The following DAB1 variants were observed in gnomAD, a reference collection of about 807,000 sequenced individuals.
DAB1 encodes the protein disabled homolog 1.
In DAB1, 15 loss-of-function variants were observed where a neutral mutation model predicts 64.6. That is an observed-to-expected ratio of 0.23 (90% CI 0.16 to 0.36). The LOEUF (loss-of-function observed/expected upper bound fraction) is 0.36, where lower values mean the gene tolerates loss of function less well. Among genes scored for constraint, DAB1 ranks in the 10% least tolerant of loss-of-function variants. The pLI is 1.00. For synonymous variants in DAB1, 235 were observed against 251.9 expected (o/e 0.93, Z 0.64); for missense variants, 596 against 706.7 (o/e 0.84, Z 1.78).
intron 7 of DAB1, among the ~76,000 whole-genome samples, chr1:57,457,334 T>C (rs896279614): frequency 2.6e-5 from 4 of 152,088 alleles, no homozygotes; most frequent in African/African-American, 7.2e-5. Context: ...TGGACAGAAA[T>C]TGGGTTCAAG....
At chr1:58,424,168 T>C (rs1043247269) in intron 3 of DAB1, among the ~76,000 whole-genome samples, 68 of 152,124 alleles carry the variant, frequency 4.5e-4, no homozygotes, top group Admixed American at 2.1e-3. Context: ...CCATTTTCGT[T>C]CAAGTCCAAA....
In DAB1 at chr1:57,207,446, C is replaced by CTTTT. The variant is rs772989513; in HGVS notation, c.68-62021_68-62018dup. ...CTGTAATTCATACCTTATTTCCTTT[C>CTTTT]TTTTTTTTTTTTTTTGAGATGGAGT... On this transcript the variant is annotated intron_variant, in intron 2 of 14. Coordinates refer to ENST00000371236, the MANE Select transcript of DAB1 (RefSeq NM_001365792.1). Among the ~76,000 whole-genome samples, 9 of 98,458 alleles carry CTTTT rather than the reference C, an allele frequency of 9.1e-5. 1 individual carries two copies. The highest frequency in any genetic ancestry group is 3.6e-4 in the Admixed American group (3 of 8,254). The allele number at this position is 98,458 out of a possible 152,430, so 64.6% of individuals were successfully genotyped here.
At chr1:57,322,030 G>A (rs957092580) in intron 1 of DAB1, among the ~76,000 whole-genome samples, 2 of 152,140 alleles carry the variant, frequency 1.3e-5, no homozygotes, top group East Asian at 1.9e-4. Context: ...GCCAAAATCT[G>A]CCTCCATGAA....
intron 3 of DAB1, among the ~76,000 whole-genome samples, chr1:57,142,291 G>A (rs750809334): frequency 3.3e-5 from 5 of 151,764 alleles, no homozygotes; most frequent in Non-Finnish European, 5.9e-5. Context: ...ATGGCCTAAC[G>A]TGAGTAAGTG....
chr1:57,637,126 A>G (rs1646066794), intron 7 of DAB1, among the ~76,000 whole-genome samples: 1 of 152,198 alleles, frequency 6.6e-6, no homozygotes, highest in Non-Finnish European at 1.5e-5. Flanking sequence ...ATGGGATAAG[A>G]TGAGATACTT....
At chr1:57,098,878 T>A (rs114557842) in intron 4 of DAB1, among the ~76,000 whole-genome samples, 2,430 of 152,354 alleles carry the variant, frequency 0.016, 31 homozygotes, top group African/African-American at 0.031. Context: ...ACCTTATAGA[T>A]AGTTTACATA....
chr1:58,306,087 G>A (rs568369152), intron 4 of DAB1, among the ~76,000 whole-genome samples: 1 of 152,126 alleles, frequency 6.6e-6, no homozygotes, highest in African/African-American at 2.4e-5. Context: ...TGGGTGATGA[G>A]GTGGGAAAAG....
intron 1 of DAB1, among the ~76,000 whole-genome samples, chr1:57,308,232 G>A (rs1674365869): frequency 2.0e-5 from 3 of 152,174 alleles, no homozygotes; most frequent in South Asian, 2.1e-4. Flanking sequence ...TTAGCTTTCA[G>A]CTTCCAGAGA....
At chr1:58,223,230 A>G (rs1659269849) in intron 4 of DAB1, among the ~76,000 whole-genome samples, 1 of 152,182 alleles carries the variant, frequency 6.6e-6, no homozygotes, top group South Asian at 2.1e-4. Flanking sequence ...TGAACCCCGA[A>G]TATCTTATCT....
intron 4 of DAB1, among the ~76,000 whole-genome samples, chr1:58,327,746 G>A (rs768767547): frequency 1.7e-4 from 26 of 152,148 alleles, no homozygotes; most frequent in Admixed American, 3.9e-4. Flanking sequence ...AGATCACGAG[G>A]TCAGGAGTTC....
At chr1:57,977,069 C>T (rs1031770919) in intron 5 of DAB1, among the ~76,000 whole-genome samples, 1 of 152,186 alleles carries the variant, frequency 6.6e-6, no homozygotes, top group Non-Finnish European at 1.5e-5. Context: ...CAAACTCTTC[C>T]ATGGCTCCCC....
chr1:57,246,263 G>A (rs918517381), intron 2 of DAB1, among the ~76,000 whole-genome samples: 17 of 151,744 alleles, frequency 1.1e-4, no homozygotes, highest in South Asian at 2.1e-4. Flanking sequence ...CCTACCACCC[G>A]CTGCCCCCTG....
At chr1:58,221,476 A>G (rs934809267) in intron 4 of DAB1, among the ~76,000 whole-genome samples, 1 of 152,174 alleles carries the variant, frequency 6.6e-6, no homozygotes, top group African/African-American at 2.4e-5. Flanking sequence ...CAAGCAAACC[A>G]TGTCAGATTT....
At chr1:58,410,791 T>C (rs1644660156) in intron 3 of DAB1, among the ~76,000 whole-genome samples, 1 of 152,206 alleles carries the variant, frequency 6.6e-6, no homozygotes, top group Non-Finnish European at 1.5e-5. Flanking sequence ...ATTGTCTTAG[T>C]AATGATGGAG....
chr1:58,528,542 A>G (rs1198731385), intron 1 of DAB1, among the ~76,000 whole-genome samples: 1 of 152,228 alleles, frequency 6.6e-6, no homozygotes, highest in East Asian at 1.9e-4. Context: ...AATATTTATT[A>G]CTGTCATAAC....
intron 5 of DAB1, among the ~76,000 whole-genome samples, chr1:57,965,387 TA>T (rs1341028691): frequency 6.6e-6 from 1 of 152,124 alleles, no homozygotes; most frequent in East Asian, 1.9e-4. Context: ...TGCCACCTCA[TA>T]GGGGTATCAC....
chr1:58,223,219 T>C (rs1162961317), intron 4 of DAB1, among the ~76,000 whole-genome samples: 2 of 152,206 alleles, frequency 1.3e-5, no homozygotes, highest in African/African-American at 4.8e-5. Flanking sequence ...ACAAATCTCT[T>C]TGAACCCCGA....
chr1:57,261,293 C>G (rs1670164862), intron 2 of DAB1, among the ~76,000 whole-genome samples: 2 of 152,030 alleles, frequency 1.3e-5, no homozygotes, highest in South Asian at 4.2e-4. Context: ...ATACAGTATC[C>G]CTATGCATCC....
chr1:58,017,398 A>G (rs946377448), intron 5 of DAB1, among the ~76,000 whole-genome samples: 3 of 152,152 alleles, frequency 2.0e-5, no homozygotes, highest in Non-Finnish European at 2.9e-5. Flanking sequence ...TCCAAGTGCT[A>G]GGATGTAGGC....
Sources: allele counts gnomAD v4.1 joint callset (sites outside exome capture counted in the v4.1 genomes callset), GRCh38; gene constraint gnomAD v4.1.1; transcripts MANE v1.5; gene names NCBI Gene and HGNC (gene_info 2026-07-23, HGNC 2026-07-21).